Variants in NUP37 observed in about 807,000 individuals in gnomAD.
NUP37 encodes the protein nucleoporin Nup37.
Under a neutral mutation model 45.4 loss-of-function variants are expected in NUP37, and 33 were observed. That is an observed-to-expected ratio of 0.73 (90% CI 0.55 to 0.97). The LOEUF (loss-of-function observed/expected upper bound fraction) is 0.97. Ranked by LOEUF, NUP37 falls within the 50% of genes least tolerant of loss-of-function variation. The pLI is 0.00. For synonymous variants in NUP37, 127 were observed against 130.7 expected, an observed-to-expected ratio of 0.97 and a Z score of 0.19; for missense variants, 365 against 389.7, an observed-to-expected ratio of 0.94 and a Z score of 0.53.
At chr12:102,109,717 A>C (rs1594399735) in intron 3 of NUP37, among the ~76,000 whole-genome samples, 1 of 152,208 alleles carries the variant, frequency 6.6e-6, no homozygotes, top group East Asian at 1.9e-4. Context: ...AAATCCAACC[A>C]AACAAAAACA....
chr12:102,100,902 A>G, intron 4 of NUP37, 130 bp downstream of exon 4: 1 of 552,838 alleles, frequency 1.8e-6, no homozygotes. Flanking sequence ...AGAGTAAATG[A>G]GACTCTAAAT....
intron 6 of NUP37, among the ~76,000 whole-genome samples, chr12:102,080,638 T>C (rs763697956): frequency 1.3e-5 from 2 of 152,168 alleles, no homozygotes; most frequent in Non-Finnish European, 2.9e-5. Flanking sequence ...TCAGATGAGA[T>C]TGAGGCTCAA....
At chr12:102,078,983 G>A (rs544124293) in intron 6 of NUP37, 29 of 208,468 alleles carry the variant, frequency 1.4e-4, no homozygotes, top group African/African-American at 4.6e-4. Flanking sequence ...AGATTGCTAC[G>A]AGTATCTAAG....
rs1266270152 is a variant in NUP37, at chr12:102,076,845, T to A, written c.725A>T (p.Tyr242Phe). 13 of 1,611,188 alleles carry A rather than the reference T, an allele frequency of 8.1e-6. No individual in the cohort carries two copies. The highest frequency in any genetic ancestry group is 1.1e-5 in the Non-Finnish European group (13 of 1,177,900). Residue 242 changes from tyrosine (Y) to phenylalanine (F), a missense_variant and splice_region_variant, in exon 8 of 10, where the codon TAT becomes TTT. Transcript: ENST00000552283. ...GTGAACAGGTCTCTTATTTTGAGGA[T>A]AACTAAAAGATAATATTTTGCATTT... Reference protein sequence around the residue: ...WLIWDITRSSYPQNKRPVHMD... With the variant: ...WLIWDITRSSFPQNKRPVHMD...
intron 3 of NUP37, 49 bp downstream of exon 3, chr12:102,112,059 A>G (rs780445104): frequency 1.3e-6 from 2 of 1,563,604 alleles, no homozygotes; most frequent in South Asian, 2.3e-5. Context: ...ATCATGTAAC[A>G]CAATCAAAGT....
chr12:102,105,952 G>A (rs1303741268), intron 3 of NUP37, among the ~76,000 whole-genome samples: 1 of 151,928 alleles, frequency 6.6e-6, no homozygotes, highest in African/African-American at 2.4e-5. Flanking sequence ...TGAAAATAGG[G>A]TTTTGCAAAC....
intron 5 of NUP37, among the ~76,000 whole-genome samples, chr12:102,092,711 T>C (rs1359298447): frequency 6.6e-6 from 1 of 152,092 alleles, no homozygotes; most frequent in Admixed American, 6.5e-5. Context: ...AGCCCAAATC[T>C]AGAGATTAGA....
At chr12:102,085,647 T>G (rs1188928958) in intron 6 of NUP37, 119 bp downstream of exon 6, 1 of 502,684 alleles carries the variant, frequency 2.0e-6, no homozygotes, top group African/African-American at 1.9e-5. Context: ...AATGCCTTTG[T>G]GCTGACTAGT....
At chr12:102,084,867 G>C (rs762356005) in intron 6 of NUP37, among the ~76,000 whole-genome samples, 15 of 152,166 alleles carry the variant, frequency 9.9e-5, no homozygotes, top group Non-Finnish European at 1.6e-4. Context: ...TGATGACCAA[G>C]AGAAGATACT....
chr12:102,118,236 T>C (rs1288052065), intron 2 of NUP37, 127 bp downstream of exon 2: 8 of 932,642 alleles, frequency 8.6e-6, no homozygotes, highest in East Asian at 5.0e-5. Context: ...TCTTTCTCTA[T>C]GGATCTTATC....
chr12:102,105,556 C>T (rs1880118937), intron 3 of NUP37, among the ~76,000 whole-genome samples: 1 of 151,310 alleles, frequency 6.6e-6, no homozygotes, highest in African/African-American at 2.4e-5. Flanking sequence ...TCCGTGTCAT[C>T]TTTAGCAGGT....
In NUP37 at chr12:102,078,300, G is replaced by A. The variant is rs567827616; in HGVS notation, c.541-797C>T. Among the ~76,000 whole-genome samples the A allele has an allele frequency of 1.8e-4, 28 of 151,620 alleles. No individual in the cohort carries two copies. The South Asian group carries it at 2.5e-3, about 14-fold the overall frequency. On this transcript the variant is annotated intron_variant, in intron 6 of 9. Coordinates refer to ENST00000552283, the MANE Select transcript of NUP37 (RefSeq NM_024057.4). ...AAGATTGTGCCACGGCACTCTAGCC[G>A]GGGCAACAAGAGCGAAATTCCTTCT...
At chr12:102,074,967 A>G in intron 9 of NUP37, 34 bp downstream of exon 9, 1 of 1,339,234 alleles carries the variant, frequency 7.5e-7, no homozygotes, top group Non-Finnish European at 1.0e-6. Flanking sequence ...AAAAAAAAAA[A>G]AAGCACGTAT....
At chr12:102,097,689 T>G (rs10507141) in intron 5 of NUP37, among the ~76,000 whole-genome samples, 22,560 of 152,180 alleles carry the variant, frequency 0.15, 1,784 homozygotes, top group Non-Finnish European at 0.18. Flanking sequence ...GGTTTCATTA[T>G]TCCAAATGCT....
intron 3 of NUP37, among the ~76,000 whole-genome samples, chr12:102,104,929 T>A: frequency 6.6e-6 from 1 of 152,226 alleles, no homozygotes; most frequent in East Asian, 1.9e-4. Flanking sequence ...TGGGGTCCTT[T>A]GAGGTTCCAT....
intron 7 of NUP37, chr12:102,077,115 T>A (rs1185811931): frequency 1.6e-6 from 1 of 627,178 alleles, no homozygotes; most frequent in East Asian, 2.7e-5. Flanking sequence ...TTTCCTCTTT[T>A]GCACTGTCCT....
intron 1 of NUP37, among the ~76,000 whole-genome samples, chr12:102,118,800 C>T (rs1161195018): frequency 1.3e-5 from 2 of 152,186 alleles, no homozygotes; most frequent in South Asian, 4.1e-4. Flanking sequence ...GTGATTCTAG[C>T]AGACAATAAC....
chr12:102,093,628 A>G (rs1355653138), intron 5 of NUP37, among the ~76,000 whole-genome samples: 2 of 152,106 alleles, frequency 1.3e-5, no homozygotes, highest in Non-Finnish European at 2.9e-5. Context: ...AACACTACCC[A>G]GGAAATATTA....
rs118084892 is a variant in NUP37, at chr12:102,075,330, G to A, written c.774-236C>T. On this transcript the variant is annotated intron_variant, in intron 8 of 9. Coordinates refer to ENST00000552283, the MANE Select transcript of NUP37 (RefSeq NM_024057.4). ...AGCTGGGACTACAGGTGTGTACTAC[G>A]ATGCCCAGGTAAGTTTTAATTTTTT... 7.2e-4 allele frequency among the ~76,000 whole-genome samples: 109 copies of A among 151,972 alleles called. 1 individual carries two copies. In the East Asian group the frequency reaches 7.8e-3, roughly 11 times the overall value.
Sources: gnomAD v4.1 joint callset for allele counts (sites outside exome capture counted in the v4.1 genomes callset) on GRCh38, gnomAD v4.1.1 for gene constraint, MANE v1.5 for transcripts, NCBI Gene and HGNC (gene_info 2026-07-23, HGNC 2026-07-21) for gene names.